The following STEEP1 variants were observed in gnomAD, a reference collection of about 807,000 sequenced individuals.
The protein encoded by STEEP1 is STING ER exit protein.
Under a neutral mutation model 19.2 loss-of-function variants are expected in STEEP1, and 3 were observed. The observed-to-expected ratio is 0.16, with a 90% CI of 0.07 to 0.40. STEEP1 has a LOEUF of 0.40. Among genes scored for constraint, STEEP1 ranks in the 10% least tolerant of loss-of-function variants. The pLI, the probability that STEEP1 is intolerant of heterozygous loss-of-function variation, is 0.99. For synonymous variants in STEEP1, 46 were observed against 63.7 expected (o/e 0.72, Z 1.32); for missense variants, 54 against 177.1 (o/e 0.30, Z 3.94).
At position 119,545,462 on chromosome X, in the gene STEEP1, C is replaced by G; in HGVS notation, c.284+1G>C. On this transcript the variant is annotated splice_donor_variant, in intron 3 of 6. Transcript: ENST00000644802. LOFTEE classifies it high-confidence loss of function. ...GAGAAACCCACATTGTTAATACTTA[C>G]TTTGCACATTTCTTCCTGTACTGTC... 8.5e-7 allele frequency: 1 copy of G among 1,170,914 alleles called. No individual in the cohort carries two copies. Among genetic ancestry groups the G allele is most frequent in the African/African-American group, 1.8e-5 (1 of 57,036 alleles).
intron 2 of STEEP1, among the ~76,000 whole-genome samples, chrX:119,553,550 C>T (rs1169319786): frequency 9.0e-6 from 1 of 111,604 alleles, no homozygotes; most frequent in Non-Finnish European, 1.9e-5. Context: ...ACTGTGCTGA[C>T]CATCATCTTT....
Position 119,554,431 on chromosome X carries a change from T to G in STEEP1, c.242+5837A>C, listed in dbSNP as rs192479796. Among the ~76,000 whole-genome samples, 4 of 110,124 alleles carry G rather than the reference T, an allele frequency of 3.6e-5. No individual in the cohort carries two copies. In the East Asian group the frequency reaches 1.2e-3, roughly 32 times the overall value. On this transcript the variant is annotated intron_variant, in intron 2 of 6. Coordinates refer to ENST00000644802, the MANE Select transcript of STEEP1 (RefSeq NM_022101.4). The stretch of plus-strand genomic sequence containing the variant: ...CTGCACTCCAGCCTGGGCAACAGAG[T>G]GAGACTTCATCTCAAGAAAAAAAAT...
chrX:119,562,024 T>C (rs927224793), intron 1 of STEEP1, among the ~76,000 whole-genome samples: 16 of 112,581 alleles, frequency 1.4e-4, no homozygotes, highest in African/African-American at 5.2e-4. Context: ...ATTTCTTCGA[T>C]AAATACGTGA....
intron 1 of STEEP1, among the ~76,000 whole-genome samples, chrX:119,561,195 T>A (rs1439358760): frequency 6.6e-5 from 7 of 106,018 alleles, no homozygotes; most frequent in African/African-American, 2.4e-4. Flanking sequence ...GCCAATATTG[T>A]GCCACTGCAC....
intron 2 of STEEP1, among the ~76,000 whole-genome samples, chrX:119,559,593 T>C (rs1372662308): frequency 1.8e-5 from 2 of 111,602 alleles, no homozygotes; most frequent in African/African-American, 3.3e-5. Context: ...TAGGAGTCAT[T>C]CCCTCAAAGT....
chrX:119,550,372 G>T lies in STEEP1; in HGVS notation c.243-4868C>A, dbSNP rs914327014. Reference sequence around the variant, plus strand: ...TACTGGTATAAGGACAGACATACAGGTCAATGGAATAGAACTGAGAGTCTA... The same window carrying T: ...TACTGGTATAAGGACAGACATACAGTTCAATGGAATAGAACTGAGAGTCTA... On this transcript the variant is annotated intron_variant, in intron 2 of 6. Coordinates refer to ENST00000644802, the MANE Select transcript of STEEP1 (RefSeq NM_022101.4). Among the ~76,000 whole-genome samples the T allele has an allele frequency of 4.5e-5, 5 of 111,867 alleles. No homozygotes were observed. In the East Asian group the frequency reaches 1.1e-3, roughly 25 times the overall value.
At chrX:119,541,241 A>G (rs749197285) in intron 6 of STEEP1, 87 bp downstream of exon 6, 39 of 587,779 alleles carry the variant, frequency 6.6e-5, no homozygotes, top group Non-Finnish European at 1.1e-4. Context: ...AGATTTCCTA[A>G]AAGATTTCCC....
At chrX:119,555,893 A>G (rs1253030941) in intron 2 of STEEP1, among the ~76,000 whole-genome samples, 2 of 111,797 alleles carry the variant, frequency 1.8e-5, no homozygotes, top group Admixed American at 1.9e-4. Flanking sequence ...TGGTGTCATC[A>G]TAAGAAGAAG....
Position 119,563,865 on chromosome X carries a change from T to C in STEEP1, c.124+1367A>G, listed in dbSNP as rs766463696. On this transcript the variant is annotated intron_variant, in intron 1 of 6. Coordinates refer to ENST00000644802, the MANE Select transcript of STEEP1 (RefSeq NM_022101.4). ...GATTCCAGGTTTTGGTCTGAGATAC[T>C]GGATGAATAGTTGTACTACTGACTG... is the stretch of plus-strand genomic sequence containing the variant. 8.9e-5 allele frequency among the ~76,000 whole-genome samples: 10 copies of C among 112,058 alleles called. No homozygotes were observed. The East Asian group carries it at 2.2e-3, about 25-fold the overall frequency.
chrX:119,542,432 T>G, intron 5 of STEEP1, 73 bp downstream of exon 5: 1 of 736,401 alleles, frequency 1.4e-6, no homozygotes, highest in South Asian at 2.2e-5. Context: ...ACTCCAAGGC[T>G]CCCGCTCTAG....
At chrX:119,559,246 T>C (rs1419041092) in intron 2 of STEEP1, among the ~76,000 whole-genome samples, 1 of 110,333 alleles carries the variant, frequency 9.1e-6, no homozygotes, top group African/African-American at 3.3e-5. Context: ...TGGCTCTTCA[T>C]TGCCTACAGA....
rs748977581 is a variant in STEEP1, at chrX:119,560,379, T to C, written c.131A>G (p.Gln44Arg). ...GGGCCTCATGGGCAATTTCTCTAAC[T>C]GGCAGTCTGAAGGAATGGAGAGATT... The part of the protein sequence containing the change: ...CGQMVLVLDC[Q>R]LEKLPMRPRD... Residue 44 changes from glutamine (Q) to arginine (R), a missense_variant, in exon 2 of 7, where the codon CAG (glutamine) becomes CGG (arginine). This residue lies in a region of STEEP1 where 47 missense variants were observed against 118.5 expected (regional missense o/e 0.40). Coordinates refer to ENST00000644802, the MANE Select transcript of STEEP1 (RefSeq NM_022101.4). 1 of 1,192,893 alleles carries C rather than the reference T, an allele frequency of 8.4e-7. No homozygotes were observed. Among genetic ancestry groups the C allele is most frequent in the East Asian group, 3.0e-5 (1 of 33,770 alleles).
chrX:119,550,125 G>A (rs2053233449), intron 2 of STEEP1, among the ~76,000 whole-genome samples: 1 of 112,275 alleles, frequency 8.9e-6, no homozygotes, highest in African/African-American at 3.2e-5. Context: ...ATATTGTTAA[G>A]GTGGCAATAT....
At chrX:119,557,083 G>A (rs2053283927) in intron 2 of STEEP1, among the ~76,000 whole-genome samples, 1 of 102,526 alleles carries the variant, frequency 9.8e-6, no homozygotes, top group Admixed American at 1.1e-4. Context: ...TTGAACCCAG[G>A]AGGCAGAGGT....
At chrX:119,564,073 T>C (rs190896260) in intron 1 of STEEP1, among the ~76,000 whole-genome samples, 2 of 111,421 alleles carry the variant, frequency 1.8e-5, no homozygotes, top group Non-Finnish European at 3.8e-5. Context: ...AGCATGTCAG[T>C]TGTATTTAAA....
At position 119,565,103 on chromosome X, in the gene STEEP1, T is replaced by C. The variant is rs774380132; in HGVS notation, c.124+129A>G. 44 of 1,042,969 alleles carry C rather than the reference T, an allele frequency of 4.2e-5. No homozygotes were observed. In the East Asian group the frequency reaches 8.7e-4, roughly 21 times the overall value. The allele number at this position is 1,042,969 out of a possible 1,213,427, so 86.0% of individuals were successfully genotyped here. On this transcript the variant is annotated intron_variant, in intron 1 of 6. Coordinates refer to ENST00000644802, the MANE Select transcript of STEEP1 (RefSeq NM_022101.4). The stretch of plus-strand genomic sequence containing the variant: ...GGGGCGGGGATGCGTAGGGAGGATT[T>C]AGTCGGAGAGAGAAAACCCACCAAT...
rs34447220 is a variant in STEEP1 at position 119,539,530 on chromosome X, CAAAAA to C, written c.*192_*196del. The C allele has an allele frequency of 2.9e-4, 88 of 303,821 alleles. No homozygotes were observed. The highest frequency in any genetic ancestry group is 4.8e-4 in the East Asian group (10 of 20,676). 25.0% of individuals were successfully genotyped at this position (303,821 alleles called of 1,213,427 possible). A position where few individuals can be genotyped will look rare whatever the true frequency, so the allele number is the denominator to read the frequency against. Reference sequence around the variant, plus strand: ...TGGGCGAAAGAGCAAGACTTTATCTCAAAAAAAAAAAAAAAAAAAAGAAAGCAAGT... The same window carrying C: ...TGGGCGAAAGAGCAAGACTTTATCTCAAAAAAAAAAAAAAAGAAAGCAAGT... On this transcript the variant is annotated 3_prime_UTR_variant, in exon 7 of 7. Transcript: ENST00000644802.
chrX:119,555,185 CCTAG>C (rs1349452211), intron 2 of STEEP1, among the ~76,000 whole-genome samples: 7 of 109,954 alleles, frequency 6.4e-5, no homozygotes, highest in African/African-American at 2.0e-4. Flanking sequence ...ACCAGAATCA[CCTAG>C]CTAAGCTTGC....
intron 2 of STEEP1, among the ~76,000 whole-genome samples, chrX:119,552,283 C>A (rs1179891856): frequency 1.8e-5 from 2 of 111,647 alleles, no homozygotes; most frequent in Admixed American, 1.9e-4. Flanking sequence ...AGTGATCTGC[C>A]CGCTTCGGCC....
Sources: gnomAD v4.1 joint callset for allele counts (sites outside exome capture counted in the v4.1 genomes callset) on GRCh38, gnomAD v4.1.1 for gene constraint, gnomAD v4.1.1 regional missense constraint, MANE v1.5 for transcripts, NCBI Gene and HGNC (gene_info 2026-07-23, HGNC 2026-07-21) for gene names.